RGMA: variants seen among roughly 807,000 people sequenced by gnomAD.
RGMA encodes repulsive guidance molecule BMP co-receptor a, also known as repulsive guidance molecule A.
In RGMA, 10 loss-of-function variants were observed where a neutral mutation model predicts 23.2. That is an observed-to-expected ratio of 0.43 (90% CI 0.27 to 0.73). The LOEUF (loss-of-function observed/expected upper bound fraction) is 0.73, where lower values mean the gene tolerates loss of function less well. RGMA is among the 30% of genes least tolerant of loss of function. The pLI, the probability that RGMA is intolerant of heterozygous loss-of-function variation, is 0.20. For synonymous variants in RGMA, 308 were observed against 279.3 expected (o/e 1.10, Z -1.03); for missense variants, 547 against 630.5 (o/e 0.87, Z 1.42).
chr15:93,069,046 T>G (rs968440126), intron 2 of RGMA, among the ~76,000 whole-genome samples: 13 of 152,218 alleles, frequency 8.5e-5, no homozygotes, highest in African/African-American at 2.9e-4. Context: ...ACTCTCCCCT[T>G]GGGACACAAA....
intron 1 of RGMA, among the ~76,000 whole-genome samples, chr15:93,076,633 C>T (rs902886082): frequency 6.6e-6 from 1 of 152,102 alleles, no homozygotes; most frequent in Admixed American, 6.6e-5. Context: ...AATATTTTGA[C>T]GTATTTTTAC....
At chr15:93,083,385 T>C (rs1246622211) in intron 1 of RGMA, among the ~76,000 whole-genome samples, 1 of 152,168 alleles carries the variant, frequency 6.6e-6, no homozygotes, top group East Asian at 1.9e-4. Flanking sequence ...TGGAGTGTAA[T>C]GGCATGATCA....
rs370069287 is a variant in RGMA at position 93,072,902 on chromosome 15, C to T, written c.130+14G>A. On this transcript the variant is annotated intron_variant, in intron 2 of 3. Transcript: ENST00000329082. ...AGGGACCCGGCCCCGCGCGCCCGGC[C>T]GGCAGTGCCTTACCTGCGGGGAAGC... 1.9e-6 allele frequency: 3 copies of T among 1,595,614 alleles called. No individual in the cohort carries two copies. The highest frequency in any genetic ancestry group is 1.4e-5 in the African/African-American group (1 of 73,940).
At chr15:93,086,956 C>A (rs1227069911) in intron 1 of RGMA, among the ~76,000 whole-genome samples, 1 of 152,214 alleles carries the variant, frequency 6.6e-6, no homozygotes, top group Non-Finnish European at 1.5e-5. Flanking sequence ...AAGACCTCGT[C>A]TGTCACAAGT....
chr15:93,083,028 TG>T (rs1484234742), intron 1 of RGMA, among the ~76,000 whole-genome samples: 1 of 152,248 alleles, frequency 6.6e-6, no homozygotes, highest in Non-Finnish European at 1.5e-5. Flanking sequence ...TGCGCCATCT[TG>T]GCTTGGGTTT....
rs1360006797 is a variant in RGMA at position 93,089,164 on chromosome 15, C to T, written c.-232G>A. 9.7e-6 allele frequency: 3 copies of T among 307,996 alleles called. No individual in the cohort carries two copies. Among genetic ancestry groups the T allele is most frequent in the African/African-American group, 6.6e-5 (3 of 45,422 alleles). The allele number at this position is 307,996 out of a possible 1,614,324, so 19.1% of individuals were successfully genotyped here. On this transcript the variant is annotated 5_prime_UTR_variant, in exon 1 of 4. Coordinates refer to ENST00000329082, the MANE Select transcript of RGMA (RefSeq NM_020211.3). ...AGCGAACGGCCAGTGCTTCCCCGGC[C>T]CAGCGGCTCGGGCGGCGCAGCCAGC... is the stretch of plus-strand genomic sequence containing the variant.
At chr15:93,066,658 C>T (rs545317670) in intron 2 of RGMA, 13 of 439,026 alleles carry the variant, frequency 3.0e-5, no homozygotes, top group East Asian at 2.1e-4. Flanking sequence ...CTCATCCTGC[C>T]GGGTCCAGTA....
intron 2 of RGMA, chr15:93,066,190 A>G (rs772189238): frequency 2.8e-6 from 4 of 1,428,952 alleles, no homozygotes; most frequent in Admixed American, 1.7e-5. Context: ...TCCTTCCACG[A>G]CATCAAATTC....
At chr15:93,088,392 T>TC (rs1895676670) in intron 1 of RGMA, 1 of 985,636 alleles carries the variant, frequency 1.0e-6, no homozygotes. Context: ...CAATCCAAGG[T>TC]CCGCACCTTC....
intron 2 of RGMA, among the ~76,000 whole-genome samples, chr15:93,063,332 C>T (rs1043407127): frequency 5.9e-5 from 9 of 152,368 alleles, no homozygotes; most frequent in African/African-American, 2.2e-4. Context: ...AGGGGGCTGG[C>T]CGGCTCACAC....
In RGMA at chr15:93,044,980, C is replaced by G; in HGVS notation, c.*18G>C. On this transcript the variant is annotated 3_prime_UTR_variant, in exon 4 of 4. Coordinates refer to ENST00000329082, the MANE Select transcript of RGMA (RefSeq NM_020211.3). ...AGCCGAGAGGACGGAGCCCGCGCCT[C>G]CCTCCACATCTACGCGTCTAGCAGA... 1,353 of 1,466,730 alleles carry G rather than the reference C, an allele frequency of 9.2e-4. No homozygotes were observed. Among genetic ancestry groups the G allele is most frequent in the Non-Finnish European group, 1.2e-3 (1,250 of 1,057,526 alleles). The allele number at this position is 1,466,730 out of a possible 1,614,324, so 90.9% of individuals were successfully genotyped here. A position where few individuals can be genotyped will look rare whatever the true frequency, so the allele number is the denominator to read the frequency against.
intron 2 of RGMA, among the ~76,000 whole-genome samples, chr15:93,060,823 C>T (rs750106162): frequency 1.3e-4 from 20 of 152,370 alleles, no homozygotes; most frequent in Non-Finnish European, 1.9e-4. Flanking sequence ...GCCCCTCCTG[C>T]TCTGGACAGC....
In RGMA at chr15:93,074,510, C is replaced by T. The variant is rs185188169; in HGVS notation, c.15-1479G>A. 7.5e-4 allele frequency among the ~76,000 whole-genome samples: 115 copies of T among 152,356 alleles called. 3 individuals are homozygous for T. The Middle Eastern group carries it at 0.014, about 18-fold the overall frequency. Reference sequence around the variant, plus strand: ...CAGCCAGCTGTGCAACAGGGCAACACGAAGCTGCTCTTCCCTTAGGTGGAA... The same window carrying T: ...CAGCCAGCTGTGCAACAGGGCAACATGAAGCTGCTCTTCCCTTAGGTGGAA... On this transcript the variant is annotated intron_variant, in intron 1 of 3. Coordinates refer to ENST00000329082, the MANE Select transcript of RGMA (RefSeq NM_020211.3).
rs966592074 is a variant in RGMA at position 93,040,729 on chromosome 15, C to G, written c.*4269G>C. 1 of 152,308 alleles carries G rather than the reference C, an allele frequency of 6.6e-6. No homozygotes were observed. The highest frequency in any genetic ancestry group is 1.5e-5 in the Non-Finnish European group (1 of 68,174). 9.4% of individuals were successfully genotyped at this position (152,308 alleles called of 1,614,324 possible). A position where few individuals can be genotyped will look rare whatever the true frequency, so the allele number is the denominator to read the frequency against. ...GCACAGCAGTCTGTCTGGGTCATTG[C>G]GGTAGCCCCTCACACCCCCCTGAAC... On this transcript the variant is annotated 3_prime_UTR_variant, in exon 4 of 4. Transcript: ENST00000329082.
chr15:93,047,864 G>C (rs2054850691), intron 3 of RGMA, among the ~76,000 whole-genome samples: 1 of 152,216 alleles, frequency 6.6e-6, no homozygotes, highest in South Asian at 2.1e-4. Context: ...AAAGCAACAG[G>C]AAATAACAAG....
chr15:93,073,102 G>C (rs748537954), intron 1 of RGMA, 71 bp from the exon 2 acceptor site: 1 of 1,407,280 alleles, frequency 7.1e-7, no homozygotes, highest in African/African-American at 1.5e-5. Context: ...TCGCTCCGCC[G>C]GCGGGAGCAG....
intron 1 of RGMA, among the ~76,000 whole-genome samples, chr15:93,083,400 T>C (rs1016690869): frequency 6.6e-6 from 1 of 152,130 alleles, no homozygotes; most frequent in Non-Finnish European, 1.5e-5. Context: ...TGATCATAGC[T>C]CACTGCAACC....
In RGMA at chr15:93,073,837, G is replaced by A. The variant is rs1371601995; in HGVS notation, c.15-806C>T. 14 of 1,512,802 alleles carry A rather than the reference G, an allele frequency of 9.3e-6. No homozygotes were observed. In the East Asian group the frequency reaches 2.7e-4, roughly 29 times the overall value. The allele number at this position is 1,512,802 out of a possible 1,614,324, so 93.7% of individuals were successfully genotyped here. A position where few individuals can be genotyped will look rare whatever the true frequency, so the allele number is the denominator to read the frequency against. Reference sequence around the variant, plus strand: ...GAAGACTTGCCCCGGCTGCGCCCCCGTGCTGAGGGCCTGCGGGCCTAACCT... The same window carrying A: ...GAAGACTTGCCCCGGCTGCGCCCCCATGCTGAGGGCCTGCGGGCCTAACCT... On this transcript the variant is annotated intron_variant, in intron 1 of 3. Coordinates refer to ENST00000329082, the MANE Select transcript of RGMA (RefSeq NM_020211.3).
chr15:93,074,173 C>G, intron 1 of RGMA: 1 of 299,056 alleles, frequency 3.3e-6, no homozygotes. Flanking sequence ...CAACTCCTCC[C>G]GCCACCCTCC....
Sources: allele counts gnomAD v4.1 joint callset (sites outside exome capture counted in the v4.1 genomes callset), GRCh38; gene constraint gnomAD v4.1.1; transcripts MANE v1.5; gene names NCBI Gene and HGNC (gene_info 2026-07-23, HGNC 2026-07-21).